Variants in CCP110 observed in about 807,000 individuals in gnomAD.
The protein encoded by CCP110 is centriolar coiled-coil protein of 110 kDa.
A neutral mutation model predicts 105.5 loss-of-function variants in CCP110; 43 were observed. That is an observed-to-expected ratio of 0.41 (90% CI 0.32 to 0.53). The LOEUF (loss-of-function observed/expected upper bound fraction) is 0.53. Among genes scored for constraint, CCP110 ranks in the 20% least tolerant of loss-of-function variants. The probability of loss-of-function intolerance (pLI) is 0.32; values close to 1 mark genes in which losing one functional copy is unlikely to be tolerated. For missense variants in CCP110, 1,016 were observed against 1,189.1 expected, an observed-to-expected ratio of 0.85 and a Z score of 2.14; for synonymous variants, 353 against 392.1, an observed-to-expected ratio of 0.90 and a Z score of 1.18.
intron 12 of CCP110, 28 bp downstream of exon 12, chr16:19,546,502 G>A: frequency 7.3e-7 from 1 of 1,374,594 alleles, no homozygotes; most frequent in Non-Finnish European, 1.0e-6. Flanking sequence ...GTCTTAATGA[G>A]AGGCTTTTTG....
At chr16:19,536,189 T>C in exon 4 of CCP110, 3 of 1,614,128 alleles carry the variant, frequency 1.9e-6, no homozygotes, top group Non-Finnish European at 2.5e-6. Flanking sequence ...TCCGAAGCAA[T>C]GTGATAGTTC....
intron 2 of CCP110, among the ~76,000 whole-genome samples, chr16:19,528,530 G>C (rs1024511952): frequency 9.9e-5 from 15 of 152,122 alleles, no homozygotes; most frequent in African/African-American, 3.6e-4. Flanking sequence ...GGCATGGAAG[G>C]ATCTCAATGA....
rs780183583 is a variant in CCP110 at position 19,527,888 on chromosome 16, G to A, written c.7G>A (p.Glu3Lys). The change falls in exon 2 of 15, where the codon GAG (glutamate) becomes AAG (lysine). Residue 3 changes from glutamate to lysine, a missense_variant. Transcript: ENST00000381396. ...GTAGTGTGACTGTGGGAAGATGGAGGAGTATGAGAAGTTCTGTGAAAAAAG... is the reference window on the plus strand; with the variant it reads ...GTAGTGTGACTGTGGGAAGATGGAGAAGTATGAGAAGTTCTGTGAAAAAAG... The A allele has an allele frequency of 6.2e-5, 100 of 1,612,154 alleles. No homozygotes were observed. Among genetic ancestry groups the A allele is most frequent in the Non-Finnish European group, 7.7e-5 (91 of 1,179,348 alleles).
chr16:19,537,130 T>C (rs1403555257), exon 4 of CCP110: 7 of 1,614,206 alleles, frequency 4.3e-6, no homozygotes, highest in East Asian at 2.2e-5. Flanking sequence ...TAACATCCGA[T>C]GAGAGAGGCG....
In CCP110 at chr16:19,548,659, C is replaced by T; in HGVS notation, c.2986+59C>T. 9.4e-7 allele frequency: 1 copy of T among 1,064,504 alleles called. No homozygotes were observed. The highest frequency in any genetic ancestry group is 1.4e-6 in the Non-Finnish European group (1 of 719,772). 65.9% of individuals were successfully genotyped at this position (1,064,504 alleles called of 1,614,324 possible). ...ATAGAAGGAAGTGCACAAGCTGCCC[C>T]ATAACTCAGGCCATAGAAGTGGAAT... On this transcript the variant is annotated intron_variant, in intron 14 of 14. Transcript: ENST00000381396. This position sits in a 1 kb window ranked among gnomAD's most constrained non-coding sequence, Gnocchi z 4.1.
intron 14 of CCP110, among the ~76,000 whole-genome samples, chr16:19,550,571 A>G (rs143806412): frequency 6.6e-6 from 1 of 152,334 alleles, no homozygotes; most frequent in African/African-American, 2.4e-5. Context: ...TTTCCTGCTT[A>G]GAGTTTTAAT....
chr16:19,542,015 A>C, exon 6 of CCP110: 1 of 1,609,962 alleles, frequency 6.2e-7, no homozygotes, highest in South Asian at 1.1e-5. Flanking sequence ...TGCTGGAAAC[A>C]ATGCTGTCTC....
At chr16:19,537,305 G>A (rs1315687778) in exon 4 of CCP110, 1 of 1,614,172 alleles carries the variant, frequency 6.2e-7, no homozygotes, top group East Asian at 2.2e-5. Context: ...TAAGTCTTAT[G>A]ATGTAAAAAA....
At chr16:19,530,832 T>C (rs1969841114) in intron 2 of CCP110, among the ~76,000 whole-genome samples, 2 of 152,078 alleles carry the variant, frequency 1.3e-5, no homozygotes, top group South Asian at 4.1e-4. Context: ...TGGGTGCCTG[T>C]AATCCCAGCT....
At chr16:19,542,706 G>A (rs1034506931) in exon 7 of CCP110, 1 of 1,613,536 alleles carries the variant, frequency 6.2e-7, no homozygotes, top group African/African-American at 1.3e-5. Flanking sequence ...CTAGTGGCTT[G>A]ACCAAACTCT....
At chr16:19,544,693 G>A (rs1433365965) in intron 8 of CCP110, 104 bp from the exon 9 acceptor site, 3 of 683,276 alleles carry the variant, frequency 4.4e-6, no homozygotes, top group Non-Finnish European at 7.9e-6. Context: ...AGATACTGAC[G>A]AAAGACTGTA....
chr16:19,524,967 A>T (rs557522872), intron 1 of CCP110: 5 of 152,140 alleles, frequency 3.3e-5, no homozygotes, highest in Non-Finnish European at 5.9e-5. Flanking sequence ...TTCTTACAAC[A>T]TTCCTTTGAG....
intron 8 of CCP110, among the ~76,000 whole-genome samples, chr16:19,544,440 A>G (rs2151480480): frequency 6.6e-6 from 1 of 152,350 alleles, no homozygotes; most frequent in Non-Finnish European, 1.5e-5. Context: ...AATTCAGAAA[A>G]AACAAATGAT....
chr16:19,536,062 G>A (rs759448367), exon 4 of CCP110: 51 of 1,613,990 alleles, frequency 3.2e-5, no homozygotes, highest in South Asian at 2.1e-4. Flanking sequence ...CAAGCCATAC[G>A]GAACACTCTA....
intron 10 of CCP110, among the ~76,000 whole-genome samples, chr16:19,545,414 A>G (rs1970428684): frequency 6.6e-6 from 1 of 152,118 alleles, no homozygotes; most frequent in African/African-American, 2.4e-5. Flanking sequence ...TTCTTATTGG[A>G]TTTTAGAGTT....
chr16:19,537,443 A>C (rs766354286), exon 4 of CCP110: 1 of 1,613,350 alleles, frequency 6.2e-7, no homozygotes, highest in East Asian at 2.2e-5. Flanking sequence ...TGATTTAGAT[A>C]TTGATGGTTT....
At chr16:19,542,704 T>C in exon 7 of CCP110, 1 of 1,613,734 alleles carries the variant, frequency 6.2e-7, no homozygotes, top group Non-Finnish European at 8.5e-7. Context: ...AACTAGTGGC[T>C]TGACCAAACT....
intron 8 of CCP110, among the ~76,000 whole-genome samples, chr16:19,544,209 T>TA (rs1433553844): frequency 6.6e-6 from 1 of 152,228 alleles, no homozygotes; most frequent in African/African-American, 2.4e-5. Flanking sequence ...AGAAAGAACC[T>TA]ATGTTGAAAT....
chr16:19,526,992 G>A (rs911305243), intron 1 of CCP110: 2 of 152,054 alleles, frequency 1.3e-5, no homozygotes, highest in African/African-American at 4.8e-5. Flanking sequence ...ATAATGCTGT[G>A]CAAATAAGCA....
Sources: allele counts gnomAD v4.1 joint callset (sites outside exome capture counted in the v4.1 genomes callset), GRCh38; gene constraint gnomAD v4.1.1; non-coding constraint Gnocchi (gnomAD v3.1); transcripts MANE v1.5; gene names NCBI Gene and HGNC (gene_info 2026-07-23, HGNC 2026-07-21).